PCDH15: variants seen among roughly 807,000 people sequenced by gnomAD.
PCDH15 encodes the protein protocadherin related 15, also known as protocadherin-15.
PCDH15 carries 129 observed loss-of-function variants against 178.5 expected under a neutral mutation model. That is an observed-to-expected ratio of 0.72 (90% CI 0.63 to 0.84). The LOEUF (loss-of-function observed/expected upper bound fraction) is 0.84. PCDH15 is among the 40% of genes least tolerant of loss of function. The pLI, the probability that PCDH15 is intolerant of heterozygous loss-of-function variation, is 0.00. For missense variants in PCDH15, 2,230 were observed against 2,099.9 expected (o/e 1.06, Z -1.21); for synonymous variants, 800 against 732.0 (o/e 1.09, Z -1.50).
chr10:54,198,028 A>G (rs1050451575), intron 10 of PCDH15, among the ~76,000 whole-genome samples: 1 of 152,198 alleles, frequency 6.6e-6, no homozygotes, highest in African/African-American at 2.4e-5. Flanking sequence ...CAGAATGTCA[A>G]ATTAGCCCAT....
intron 13 of PCDH15, among the ~76,000 whole-genome samples, chr10:54,180,261 G>T (rs2047861604): frequency 6.6e-6 from 1 of 152,130 alleles, no homozygotes. Context: ...CATATATAAA[G>T]TCAGAAGCTC....
chr10:54,339,044 GTTC>G (rs139718484), intron 6 of PCDH15, among the ~76,000 whole-genome samples: 39,052 of 151,902 alleles, frequency 0.26, 6,256 homozygotes, highest in Middle Eastern at 0.39. Context: ...CAATTTCAGA[GTTC>G]TTCTTTTATT....
intron 3 of PCDH15, among the ~76,000 whole-genome samples, chr10:54,514,773 A>G (rs1250446513): frequency 6.6e-6 from 1 of 152,220 alleles, no homozygotes. Flanking sequence ...CAAATAATAC[A>G]AATAAAACAT....
chr10:53,964,907 A>C (rs2088828900), intron 21 of PCDH15, among the ~76,000 whole-genome samples: 1 of 152,152 alleles, frequency 6.6e-6, no homozygotes, highest in South Asian at 2.1e-4. Flanking sequence ...AGTGTCATGC[A>C]ATGTCAGCAA....
chr10:53,816,416 C>T, intron 34 of PCDH15, 139 bp from the exon 35 acceptor site: 2 of 392,376 alleles, frequency 5.1e-6, no homozygotes, highest in Non-Finnish European at 9.0e-6. Context: ...CATGTGTTAG[C>T]TACCAAAAGC....
chr10:54,282,797 T>G (rs2132761794), intron 8 of PCDH15, among the ~76,000 whole-genome samples: 1 of 152,228 alleles, frequency 6.6e-6, no homozygotes, highest in Non-Finnish European at 1.5e-5. Flanking sequence ...ACAAATATTG[T>G]GAATAAAAGT....
At chr10:54,795,764 C>T (rs1329467542) in intron 1 of PCDH15, among the ~76,000 whole-genome samples, 1 of 151,848 alleles carries the variant, frequency 6.6e-6, no homozygotes, top group African/African-American at 2.4e-5. Flanking sequence ...TCACTATATT[C>T]TGTGCAGAAT....
chr10:54,311,583 C>A (rs144349133), intron 8 of PCDH15, among the ~76,000 whole-genome samples: 2 of 152,152 alleles, frequency 1.3e-5, no homozygotes, highest in East Asian at 3.9e-4. Flanking sequence ...TTTCATCCTA[C>A]TTGCCTAGCA....
intron 25 of PCDH15, among the ~76,000 whole-genome samples, chr10:53,920,834 G>T (rs1373116837): frequency 1.3e-5 from 2 of 152,064 alleles, no homozygotes; most frequent in Admixed American, 1.3e-4. Context: ...TATTTCCCTA[G>T]GTATATTGGA....
intron 15 of PCDH15, among the ~76,000 whole-genome samples, chr10:54,125,480 G>A (rs1414210840): frequency 3.3e-5 from 5 of 152,210 alleles, no homozygotes; most frequent in East Asian, 1.9e-4. Flanking sequence ...TCAAGTAGAT[G>A]TTTGAAAGAG....
intron 1 of PCDH15, among the ~76,000 whole-genome samples, chr10:55,231,803 T>A (rs1403135312): frequency 6.6e-6 from 1 of 151,984 alleles, no homozygotes; most frequent in Non-Finnish European, 1.5e-5. Context: ...TTGAAATAAA[T>A]AAATCTTAAA....
rs7089258 is a variant in PCDH15 at position 53,919,389 on chromosome 10, G to T, written c.3374-16019C>A. On this transcript the variant is annotated intron_variant, in intron 25 of 37. Coordinates refer to ENST00000644397, the MANE Select transcript of PCDH15 (RefSeq NM_001384140.1). ...AAAATTCTGTTTTAATACAAATATG[G>T]GAGCTCTCAAGCTCTTTTTATGTGC... 2.6e-5 allele frequency among the ~76,000 whole-genome samples: 4 copies of T among 152,140 alleles called. No individual in the cohort carries two copies. In the South Asian group the frequency reaches 6.2e-4, roughly 24 times the overall value.
intron 32 of PCDH15, chr10:53,823,787 T>G (rs1475968005): frequency 4.4e-6 from 2 of 457,010 alleles, no homozygotes; most frequent in South Asian, 3.1e-5. Flanking sequence ...TAGCTGTATC[T>G]GATTCAGTAC....
chr10:54,457,516 T>C (rs906070292), intron 3 of PCDH15, among the ~76,000 whole-genome samples: 2 of 152,120 alleles, frequency 1.3e-5, no homozygotes, highest in Admixed American at 1.3e-4. Flanking sequence ...TACCAGATAC[T>C]CCTCAGTGTA....
At chr10:54,637,436 T>C (rs575399618) in intron 2 of PCDH15, among the ~76,000 whole-genome samples, 1 of 152,130 alleles carries the variant, frequency 6.6e-6, no homozygotes, top group Non-Finnish European at 1.5e-5. Context: ...ATCCATTTAT[T>C]TGTCTGCTCC....
At chr10:55,136,897 T>C (rs1225184279) in intron 2 of PCDH15, among the ~76,000 whole-genome samples, 1 of 152,160 alleles carries the variant, frequency 6.6e-6, no homozygotes, top group Non-Finnish European at 1.5e-5. Context: ...TTTTCCTCCT[T>C]CAGTTCTGCA....
intron 26 of PCDH15, among the ~76,000 whole-genome samples, chr10:53,879,375 C>T (rs2080523359): frequency 6.6e-6 from 1 of 151,946 alleles, no homozygotes; most frequent in South Asian, 2.1e-4. Flanking sequence ...TATAATGATA[C>T]AGATATAATA....
intron 18 of PCDH15, among the ~76,000 whole-genome samples, chr10:54,062,044 G>A (rs960892396): frequency 6.6e-6 from 1 of 151,602 alleles, no homozygotes; most frequent in Non-Finnish European, 1.5e-5. Flanking sequence ...GGCCAACATG[G>A]CACAAACCTG....
chr10:55,078,617 A>G (rs1349032656), intron 2 of PCDH15, among the ~76,000 whole-genome samples: 1 of 151,608 alleles, frequency 6.6e-6, no homozygotes, highest in Non-Finnish European at 1.5e-5. Flanking sequence ...GAAGCCCTTG[A>G]ATATAATTTG....
Sources: gnomAD v4.1 joint callset for allele counts (sites outside exome capture counted in the v4.1 genomes callset) on GRCh38, gnomAD v4.1.1 for gene constraint, MANE v1.5 for transcripts, NCBI Gene and HGNC (gene_info 2026-07-23, HGNC 2026-07-21) for gene names.